The following HS6ST3 variants were observed in gnomAD, a reference collection of about 807,000 sequenced individuals.
HS6ST3 encodes heparan sulfate 6-O-sulfotransferase 3, also known as heparan-sulfate 6-O-sulfotransferase 3.
HS6ST3 carries 12 observed loss-of-function variants against 36.7 expected under a neutral mutation model. That is an observed-to-expected ratio of 0.33 (90% CI 0.21 to 0.53). The LOEUF (loss-of-function observed/expected upper bound fraction) is 0.53, where lower values mean the gene tolerates loss of function less well. Among genes scored for constraint, HS6ST3 ranks in the 20% least tolerant of loss-of-function variants. The pLI, the probability that HS6ST3 is intolerant of heterozygous loss-of-function variation, is 0.95. For missense variants in HS6ST3, 584 were observed against 640.9 expected, an observed-to-expected ratio of 0.91 and a Z score of 0.96; for synonymous variants, 240 against 257.5, an observed-to-expected ratio of 0.93 and a Z score of 0.65.
At chr13:96,487,539 G>A (rs2055921545) in intron 1 of HS6ST3, among the ~76,000 whole-genome samples, 1 of 152,082 alleles carries the variant, frequency 6.6e-6, no homozygotes, top group Admixed American at 6.6e-5. Flanking sequence ...CTGGTATCGG[G>A]ATTGCTTTTT....
At chr13:96,265,435 C>T (rs762747789) in intron 1 of HS6ST3, among the ~76,000 whole-genome samples, 4 of 152,164 alleles carry the variant, frequency 2.6e-5, no homozygotes, top group Non-Finnish European at 5.9e-5. Flanking sequence ...CTGCCTCGGC[C>T]TCCCAAAGTG....
Position 96,090,660 on chromosome 13 carries a change from C to A in HS6ST3, c.-203C>A, listed in dbSNP as rs1302382424. On this transcript the variant is annotated 5_prime_UTR_variant, in exon 1 of 2. Coordinates refer to ENST00000376705, the MANE Select transcript of HS6ST3 (RefSeq NM_153456.4). ...CAGCCGAGCGCGCCGGCGCCCGCCT[C>A]CCCCGCCCGGCTCGCAGGCCCCGGC... Among the ~76,000 whole-genome samples, 1 of 146,880 alleles carries A rather than the reference C, an allele frequency of 6.8e-6. No homozygotes were observed. The highest frequency in any genetic ancestry group is 2.4e-5 in the African/African-American group (1 of 40,838).
intron 1 of HS6ST3, among the ~76,000 whole-genome samples, chr13:96,722,177 AT>A (rs1447037073): frequency 6.6e-6 from 1 of 152,192 alleles, no homozygotes; most frequent in Non-Finnish European, 1.5e-5. Context: ...AGACAGGATC[AT>A]CACTTGAATC....
At chr13:96,485,529 G>T (rs1417254531) in intron 1 of HS6ST3, among the ~76,000 whole-genome samples, 10 of 151,996 alleles carry the variant, frequency 6.6e-5, no homozygotes, top group African/African-American at 2.4e-4. Context: ...GTGAACTAAA[G>T]CAATTTTATT....
chr13:96,479,774 T>C (rs561252562), intron 1 of HS6ST3, among the ~76,000 whole-genome samples: 2 of 152,314 alleles, frequency 1.3e-5, no homozygotes, highest in Admixed American at 6.5e-5. Flanking sequence ...GCAGAGTCTA[T>C]TGTAGGTCTA....
intron 1 of HS6ST3, among the ~76,000 whole-genome samples, chr13:96,413,718 G>T (rs1358353710): frequency 6.6e-6 from 1 of 152,156 alleles, no homozygotes; most frequent in Non-Finnish European, 1.5e-5. Context: ...AATGCCTATC[G>T]TGAAAATGAT....
intron 1 of HS6ST3, among the ~76,000 whole-genome samples, chr13:96,212,952 C>T (rs1252735621): frequency 6.6e-6 from 1 of 152,026 alleles, no homozygotes; most frequent in Non-Finnish European, 1.5e-5. Context: ...AAATTTTCAC[C>T]AGCTAAATTT....
chr13:96,400,847 C>T (rs759068590), intron 1 of HS6ST3, among the ~76,000 whole-genome samples: 8 of 152,202 alleles, frequency 5.3e-5, no homozygotes, highest in Non-Finnish European at 7.4e-5. Flanking sequence ...TCAAGATTTC[C>T]GGGCGTTTTC....
At chr13:96,120,116 C>T (rs1485836294) in intron 1 of HS6ST3, among the ~76,000 whole-genome samples, 1 of 152,036 alleles carries the variant, frequency 6.6e-6, no homozygotes, top group Admixed American at 6.6e-5. Context: ...GGAAGAATGC[C>T]CTGTGAGAGG....
At chr13:96,678,983 C>T (rs1387289000) in intron 1 of HS6ST3, among the ~76,000 whole-genome samples, 1 of 151,760 alleles carries the variant, frequency 6.6e-6, no homozygotes, top group African/African-American at 2.4e-5. Flanking sequence ...TCAACCCCAA[C>T]CTCACCCTGG....
chr13:96,139,567 A>AAAAAAAAAAAAAAAAAAAAAAAAAT (rs1491242538), intron 1 of HS6ST3, among the ~76,000 whole-genome samples: 7 of 138,696 alleles, frequency 5.0e-5, no homozygotes, highest in African/African-American at 2.0e-4. Context: ...AAAAAAAAAA[A>AAAAAAAAAAAAAAAAAAAAAAAAAT]TCCATGTATA....
chr13:96,219,991 G>T (rs1446554403), intron 1 of HS6ST3, among the ~76,000 whole-genome samples: 1 of 152,158 alleles, frequency 6.6e-6, no homozygotes, highest in Admixed American at 6.5e-5. Context: ...CCACAGGTAG[G>T]ATTCTTAAAC....
chr13:96,722,083 T>A (rs939679902), intron 1 of HS6ST3, among the ~76,000 whole-genome samples: 1 of 152,102 alleles, frequency 6.6e-6, no homozygotes, highest in Non-Finnish European at 1.5e-5. Context: ...CTGGCCAACA[T>A]GGTGAAACCT....
At chr13:96,171,786 TAGATTG>T (rs2139334826) in intron 1 of HS6ST3, among the ~76,000 whole-genome samples, 1 of 152,304 alleles carries the variant, frequency 6.6e-6, no homozygotes. Context: ...TTAATAGACA[TAGATTG>T]AAAGAAAAAA....
chr13:96,591,717 G>C (rs1031660215), intron 1 of HS6ST3, among the ~76,000 whole-genome samples: 5 of 151,982 alleles, frequency 3.3e-5, no homozygotes, highest in Non-Finnish European at 7.4e-5. Flanking sequence ...GCTCTAGCTA[G>C]GACTTCCAAT....
intron 1 of HS6ST3, among the ~76,000 whole-genome samples, chr13:96,633,864 G>T (rs1036276490): frequency 6.6e-6 from 1 of 152,180 alleles, no homozygotes; most frequent in Non-Finnish European, 1.5e-5. Flanking sequence ...GGATATGTGA[G>T]TCTGAAACTC....
intron 1 of HS6ST3, among the ~76,000 whole-genome samples, chr13:96,597,237 A>G (rs1374033898): frequency 6.6e-6 from 1 of 152,012 alleles, no homozygotes; most frequent in Non-Finnish European, 1.5e-5. Flanking sequence ...TAACTAATGC[A>G]TGCTAGGCTT....
At chr13:96,369,076 G>T (rs931123673) in intron 1 of HS6ST3, among the ~76,000 whole-genome samples, 4 of 151,014 alleles carry the variant, frequency 2.6e-5, no homozygotes, top group African/African-American at 9.8e-5. Context: ...TGTTGTGGGG[G>T]TGGGGAGGGT....
At chr13:96,267,425 C>G (rs928260583) in intron 1 of HS6ST3, among the ~76,000 whole-genome samples, 2 of 151,998 alleles carry the variant, frequency 1.3e-5, no homozygotes, top group Admixed American at 1.3e-4. Flanking sequence ...CTAATTTAAC[C>G]ATTTCTAAAT....
Sources: gnomAD v4.1 joint callset for allele counts (sites outside exome capture counted in the v4.1 genomes callset) on GRCh38, gnomAD v4.1.1 for gene constraint, MANE v1.5 for transcripts, NCBI Gene and HGNC (gene_info 2026-07-23, HGNC 2026-07-21) for gene names.